SRGAP3: variants seen among roughly 807,000 people sequenced by gnomAD.
SRGAP3 encodes the protein SLIT-ROBO Rho GTPase-activating protein 3.
A neutral mutation model predicts 121.1 loss-of-function variants in SRGAP3; 39 were observed. That is an observed-to-expected ratio of 0.32 (90% CI 0.25 to 0.42). The LOEUF (loss-of-function observed/expected upper bound fraction) is 0.42, where lower values mean the gene tolerates loss of function less well. Ranked by LOEUF, SRGAP3 falls within the 10% of genes least tolerant of loss-of-function variation. SRGAP3 has a pLI of 1.00. For synonymous variants in SRGAP3, 601 were observed against 570.0 expected (o/e 1.05, Z -0.77); for missense variants, 1,213 against 1,470.6 (o/e 0.82, Z 2.86).
chr3:9,278,608 A>C (rs1258235021), intron 3 of SRGAP3, among the ~76,000 whole-genome samples: 1 of 152,236 alleles, frequency 6.6e-6, no homozygotes, highest in Non-Finnish European at 1.5e-5. Flanking sequence ...AATGTGTCAC[A>C]AACGTAAGAT....
intron 1 of SRGAP3, among the ~76,000 whole-genome samples, chr3:9,231,854 CCCT>C (rs1237715748): frequency 1.3e-5 from 2 of 152,148 alleles, no homozygotes; most frequent in African/African-American, 2.4e-5. Context: ...GTTGATAATG[CCCT>C]CATTTCACAG....
chr3:9,123,969 G>A (rs902448920), intron 2 of SRGAP3, among the ~76,000 whole-genome samples: 3 of 151,948 alleles, frequency 2.0e-5, no homozygotes, highest in Non-Finnish European at 4.4e-5. Flanking sequence ...TGCTGGCCGG[G>A]GGACCTGCCA....
intron 14 of SRGAP3, among the ~76,000 whole-genome samples, chr3:9,016,186 G>A (rs1257896839): frequency 6.6e-6 from 1 of 152,092 alleles, no homozygotes; most frequent in African/African-American, 2.4e-5. Context: ...CTCATATACA[G>A]CCCACATTCA....
chr3:9,135,052 T>C (rs1182325948), intron 1 of SRGAP3, among the ~76,000 whole-genome samples: 2 of 152,112 alleles, frequency 1.3e-5, no homozygotes, highest in African/African-American at 2.4e-5. Flanking sequence ...TACCATATTG[T>C]CCAACACAGT....
chr3:9,202,980 G>A (rs1952120389), intron 1 of SRGAP3, among the ~76,000 whole-genome samples: 1 of 152,192 alleles, frequency 6.6e-6, no homozygotes, highest in African/African-American at 2.4e-5. Flanking sequence ...AACTCCAAAA[G>A]TCACCCTAGC....
intron 1 of SRGAP3, among the ~76,000 whole-genome samples, chr3:9,357,597 GA>G (rs978013543): frequency 0.15 from 13,518 of 92,556 alleles, 1,070 homozygotes; most frequent in African/African-American, 0.31. Flanking sequence ...GTATGTAAAA[GA>G]AAAAAAAAAA....
intron 11 of SRGAP3, chr3:9,035,284 C>T (rs1296769967): frequency 1.9e-5 from 3 of 156,970 alleles, no homozygotes; most frequent in Non-Finnish European, 4.2e-5. Context: ...AAAAGAAAGT[C>T]CTAAGTGTTT....
chr3:9,257,647 A>T (rs920586088), intron 3 of SRGAP3: 1 of 151,114 alleles, frequency 6.6e-6, no homozygotes, highest in Non-Finnish European at 1.5e-5. Context: ...AAATGCTATA[A>T]ATAGATGATT....
intron 1 of SRGAP3, among the ~76,000 whole-genome samples, chr3:9,182,699 G>T (rs1031607938): frequency 2.6e-5 from 4 of 151,958 alleles, no homozygotes; most frequent in Non-Finnish European, 4.4e-5. Flanking sequence ...TATCACCCAG[G>T]CTGGAGTACA....
intron 4 of SRGAP3, among the ~76,000 whole-genome samples, chr3:9,072,843 G>A (rs1176026819): frequency 6.6e-6 from 1 of 152,250 alleles, no homozygotes; most frequent in Non-Finnish European, 1.5e-5. Flanking sequence ...GCTGGAGGAA[G>A]AGTCAGGAGA....
At chr3:9,325,041 A>C (rs1955494979) in intron 3 of SRGAP3, among the ~76,000 whole-genome samples, 1 of 151,736 alleles carries the variant, frequency 6.6e-6, no homozygotes, top group Non-Finnish European at 1.5e-5. Flanking sequence ...CACCACTCTC[A>C]GTTACCGTCA....
intron 3 of SRGAP3, among the ~76,000 whole-genome samples, chr3:9,270,467 G>A (rs894787115): frequency 2.0e-5 from 3 of 152,084 alleles, no homozygotes; most frequent in Non-Finnish European, 4.4e-5. Flanking sequence ...TAATGGAAAT[G>A]TTTACCTTGA....
chr3:9,267,325 T>C (rs905504920), intron 3 of SRGAP3, among the ~76,000 whole-genome samples: 1 of 152,140 alleles, frequency 6.6e-6, no homozygotes, highest in Non-Finnish European at 1.5e-5. Context: ...TTTCAGATAT[T>C]AACAAATATG....
intron 3 of SRGAP3, among the ~76,000 whole-genome samples, chr3:9,269,738 C>T (rs1954437475): frequency 6.6e-6 from 1 of 152,124 alleles, no homozygotes; most frequent in Non-Finnish European, 1.5e-5. Flanking sequence ...CCATATCTAC[C>T]CTGATTTCTA....
At chr3:9,037,681 G>T (rs1214057298) in intron 11 of SRGAP3, 1 of 315,310 alleles carries the variant, frequency 3.2e-6, no homozygotes, top group Non-Finnish European at 6.1e-6. Context: ...TGGGCAGTTT[G>T]CTCAGCATGG....
intron 3 of SRGAP3, among the ~76,000 whole-genome samples, chr3:9,091,641 C>T (rs1947761133): frequency 6.6e-6 from 1 of 152,284 alleles, no homozygotes; most frequent in East Asian, 1.9e-4. Flanking sequence ...GGAAGGTCCA[C>T]GTACCCCTGA....
At chr3:9,075,707 A>G (rs1350248444) in intron 4 of SRGAP3, among the ~76,000 whole-genome samples, 2 of 152,188 alleles carry the variant, frequency 1.3e-5, no homozygotes, top group Non-Finnish European at 2.9e-5. Flanking sequence ...AAGAAGAAAA[A>G]AAGTGGAGTT....
intron 14 of SRGAP3, chr3:9,015,939 T>C: frequency 1.7e-6 from 1 of 602,418 alleles, no homozygotes; most frequent in Non-Finnish European, 2.9e-6. Flanking sequence ...AGAAAAGTTG[T>C]AAAAATAAAA....
chr3:9,043,933 T>TA (rs2125129272), intron 10 of SRGAP3, among the ~76,000 whole-genome samples: 1 of 152,152 alleles, frequency 6.6e-6, no homozygotes, highest in South Asian at 2.1e-4. Flanking sequence ...CCCAGAGCAA[T>TA]AAAAAGGTTA....
Sources: allele counts gnomAD v4.1 joint callset (sites outside exome capture counted in the v4.1 genomes callset), GRCh38; gene constraint gnomAD v4.1.1; transcripts MANE v1.5; gene names NCBI Gene and HGNC (gene_info 2026-07-23, HGNC 2026-07-21).